Variants in ZNF423 observed in about 807,000 individuals in gnomAD.
ZNF423 encodes Ebf-associated zinc finger protein.
ZNF423 carries 12 observed loss-of-function variants against 95.8 expected under a neutral mutation model. That is an observed-to-expected ratio of 0.13 (90% CI 0.08 to 0.20). The LOEUF (loss-of-function observed/expected upper bound fraction) is 0.20. Among genes scored for constraint, ZNF423 ranks in the 10% least tolerant of loss-of-function variants. The probability of loss-of-function intolerance (pLI) is 1.00; values close to 1 mark genes in which losing one functional copy is unlikely to be tolerated. For synonymous variants in ZNF423, 749 were observed against 711.9 expected, an observed-to-expected ratio of 1.05 and a Z score of -0.83; for missense variants, 1,316 against 1,737.1, an observed-to-expected ratio of 0.76 and a Z score of 4.31.
chr16:49,774,533 G>A (rs1328528232), intron 2 of ZNF423, among the ~76,000 whole-genome samples: 1 of 152,208 alleles, frequency 6.6e-6, no homozygotes, highest in Non-Finnish European at 1.5e-5. Flanking sequence ...GTGTATGCAT[G>A]TGTGTGAGCA....
At chr16:49,575,354 T>G (rs571220169) in intron 5 of ZNF423, among the ~76,000 whole-genome samples, 2 of 152,228 alleles carry the variant, frequency 1.3e-5, no homozygotes, top group East Asian at 3.9e-4. Context: ...AGCTCCTAAT[T>G]TAAGCTCCAC....
Position 49,654,202 on chromosome 16 carries a change from C to T in ZNF423, c.302-15328G>A, listed in dbSNP as rs147532397. ...TCAAAGATGTATACCGAGCATGCCT[C>T]ACCTGCTCCAGCTCCTGAGCCTTCA... On this transcript the variant is annotated intron_variant, in intron 3 of 7. Coordinates refer to ENST00000563137, the MANE Select transcript of ZNF423 (RefSeq NM_001379286.1). 6.3e-3 allele frequency among the ~76,000 whole-genome samples: 953 copies of T among 152,344 alleles called. 8 individuals carry two copies. Among genetic ancestry groups the T allele is most frequent in the African/African-American group, 0.022 (903 of 41,572 alleles).
chr16:49,833,903 G>C (rs1419971030), intron 1 of ZNF423, among the ~76,000 whole-genome samples: 2 of 152,190 alleles, frequency 1.3e-5, no homozygotes. Flanking sequence ...CTTGCACTTG[G>C]CTCCTGTACT....
chr16:49,850,122 T>C (rs1364659994), intron 1 of ZNF423, among the ~76,000 whole-genome samples: 3 of 152,232 alleles, frequency 2.0e-5, no homozygotes, highest in Non-Finnish European at 4.4e-5. Flanking sequence ...GTATTTTTAT[T>C]TACTGAGTGT....
intron 3 of ZNF423, among the ~76,000 whole-genome samples, chr16:49,651,085 A>G (rs887703436): frequency 1.3e-5 from 2 of 151,768 alleles, no homozygotes; most frequent in Non-Finnish European, 2.9e-5. Context: ...CAGTGATGCA[A>G]TCATGGCTCA....
intron 4 of ZNF423, among the ~76,000 whole-genome samples, chr16:49,632,892 A>G (rs1357171024): frequency 6.6e-6 from 1 of 152,190 alleles, no homozygotes; most frequent in Non-Finnish European, 1.5e-5. Flanking sequence ...ACCCAGCACC[A>G]TGGTGGGCAG....
intron 3 of ZNF423, among the ~76,000 whole-genome samples, chr16:49,686,888 G>A (rs775363896): frequency 1.9e-4 from 25 of 131,716 alleles, no homozygotes; most frequent in South Asian, 9.7e-4. Context: ...CAGAACCTGC[G>A]ATCCCTGCAC....
At chr16:49,661,767 G>C (rs2030242838) in intron 3 of ZNF423, among the ~76,000 whole-genome samples, 1 of 152,182 alleles carries the variant, frequency 6.6e-6, no homozygotes, top group South Asian at 2.1e-4. Context: ...CTGCATTCCG[G>C]GGGCATCAGG....
chr16:49,676,851 C>T (rs112040427), intron 3 of ZNF423, among the ~76,000 whole-genome samples: 4,402 of 152,214 alleles, frequency 0.029, 216 homozygotes, highest in African/African-American at 0.099. Context: ...GTGGACTTAG[C>T]GGCCATGGGA....
intron 1 of ZNF423, among the ~76,000 whole-genome samples, chr16:49,822,036 G>A (rs1045790166): frequency 6.6e-6 from 1 of 152,166 alleles, no homozygotes; most frequent in African/African-American, 2.4e-5. Context: ...CCGAAGATGA[G>A]TAAGAAGAAA....
chr16:49,642,408 A>C (rs1020244163), intron 3 of ZNF423, among the ~76,000 whole-genome samples: 10 of 152,200 alleles, frequency 6.6e-5, no homozygotes, highest in African/African-American at 2.4e-4. Flanking sequence ...CAGAGTACCC[A>C]AGGTTCATTG....
At chr16:49,793,328 C>T (rs2143846620) in intron 1 of ZNF423, among the ~76,000 whole-genome samples, 1 of 152,282 alleles carries the variant, frequency 6.6e-6, no homozygotes, top group African/African-American at 2.4e-5. Flanking sequence ...AGCAGCGAGC[C>T]CCCAACATCC....
At chr16:49,575,049 C>G (rs1336011342) in intron 5 of ZNF423, among the ~76,000 whole-genome samples, 1 of 152,080 alleles carries the variant, frequency 6.6e-6, no homozygotes, top group Non-Finnish European at 1.5e-5. Flanking sequence ...ACAGGCGGAT[C>G]GAGGGGTCGG....
rs929758999 is a variant in ZNF423, at chr16:49,635,064, C to T, written c.3516+596G>A. On this transcript the variant is annotated intron_variant, in intron 4 of 7. Transcript: ENST00000563137. The surrounding 1 kb of genome is among the most constrained non-coding windows in gnomAD (Gnocchi z 4.8). ...ACCACATCAAAGGGCCTTCCACATA[C>T]CAGCAACTGCACTAACTGAAATGAT... Among the ~76,000 whole-genome samples, 3 of 152,242 alleles carry T rather than the reference C, an allele frequency of 2.0e-5. No homozygotes were observed. Among genetic ancestry groups the T allele is most frequent in the Non-Finnish European group, 4.4e-5 (3 of 68,048 alleles).
chr16:49,536,365 TA>T (rs1171353305), intron 5 of ZNF423, among the ~76,000 whole-genome samples: 1 of 150,212 alleles, frequency 6.7e-6, no homozygotes, highest in Admixed American at 6.6e-5. Flanking sequence ...TGAAAAGCTT[TA>T]AAAAGTAGAT....
At chr16:49,749,601 T>A (rs2033594630) in intron 2 of ZNF423, among the ~76,000 whole-genome samples, 1 of 152,230 alleles carries the variant, frequency 6.6e-6, no homozygotes, top group African/African-American at 2.4e-5. Context: ...CGCGCAGCAA[T>A]CGCCGTGTGC....
intron 1 of ZNF423, among the ~76,000 whole-genome samples, chr16:49,815,877 AAAAAATATATATATAT>A (rs1336144471): frequency 1.7e-4 from 11 of 64,094 alleles, no homozygotes; most frequent in Non-Finnish European, 2.5e-4. Flanking sequence ...AAACAAAAAA[AAAAAATATATATATAT>A]ATATATATAT....
intron 2 of ZNF423, among the ~76,000 whole-genome samples, chr16:49,748,234 T>C (rs2033563277): frequency 6.6e-6 from 1 of 152,140 alleles, no homozygotes; most frequent in Admixed American, 6.5e-5. Flanking sequence ...TAGACTGAGG[T>C]GATTAAAGTC....
intron 5 of ZNF423, among the ~76,000 whole-genome samples, chr16:49,596,817 G>A (rs9923589): frequency 0.22 from 33,439 of 152,118 alleles, 5,342 homozygotes; most frequent in African/African-American, 0.45. Flanking sequence ...TCAGGCACAG[G>A]GCTGTGTGCT....
Sources: allele counts gnomAD v4.1 joint callset (sites outside exome capture counted in the v4.1 genomes callset), GRCh38; gene constraint gnomAD v4.1.1; non-coding constraint Gnocchi (gnomAD v3.1); transcripts MANE v1.5; gene names NCBI Gene and HGNC (gene_info 2026-07-23, HGNC 2026-07-21).